NOTCH1: variants seen among roughly 807,000 people sequenced by gnomAD.
The protein encoded by NOTCH1 is notch receptor 1.
A neutral mutation model predicts 254.8 loss-of-function variants in NOTCH1; 37 were observed. The ratio of observed to expected loss-of-function variants is 0.15; its 90% confidence interval spans 0.11 to 0.19. NOTCH1 has a LOEUF of 0.19. NOTCH1 is among the 10% of genes least tolerant of loss of function. The pLI is 1.00. For synonymous variants in NOTCH1, 1,731 were observed against 1,618.1 expected, an observed-to-expected ratio of 1.07 and a Z score of -1.68; for missense variants, 2,972 against 3,708.6, an observed-to-expected ratio of 0.80 and a Z score of 5.16.
At position 136,514,611 on chromosome 9, in the gene NOTCH1, G is replaced by A. The variant is rs2133360895; in HGVS notation, c.2106C>T (p.Cys702=). The change falls in exon 13 of 34, where the codon TGC becomes TGT. Residue 702 remains cysteine (C), a synonymous_variant. Transcript: ENST00000651671. ...TCEDGINGFT[C]RCPEGYHDPT... is the part of the protein sequence containing the mutation. ...GGTCGTGGTAGCCCTCGGGGCAGCG[G>A]CAGGTGAAGCCATTGATGCCGTCCT... The A allele has an allele frequency of 6.2e-7, 1 of 1,610,152 alleles. No individual in the cohort carries two copies. Among genetic ancestry groups the A allele is most frequent in the East Asian group, 2.2e-5 (1 of 44,794 alleles).
intron 4 of NOTCH1, among the ~76,000 whole-genome samples, chr9:136,522,238 A>C (rs898715143): frequency 6.6e-6 from 1 of 152,090 alleles, no homozygotes. Flanking sequence ...CGGCCTCCCA[A>C]AGTGCTGGGA....
At chr9:136,502,213 T>G (rs1179194626) in intron 28 of NOTCH1, 59 bp downstream of exon 28, 2 of 1,551,928 alleles carry the variant, frequency 1.3e-6, no homozygotes, top group East Asian at 2.3e-5. Context: ...CCGGTGAGGA[T>G]GCTCGGCCAG....
chr9:136,503,362 C>G (rs934545221), intron 26 of NOTCH1, 32 bp from the exon 27 acceptor site: 3 of 1,612,004 alleles, frequency 1.9e-6, no homozygotes, highest in Non-Finnish European at 2.5e-6. Context: ...GGCTGGGACC[C>G]GAGGCTTCCT....
Position 136,506,016 on chromosome 9 carries a change from C to G in NOTCH1, c.4015-135G>C, listed in dbSNP as rs1281655127. 1 of 729,604 alleles carries G rather than the reference C, an allele frequency of 1.4e-6. No homozygotes were observed. The highest frequency in any genetic ancestry group is 1.8e-5 in the African/African-American group (1 of 56,294). The allele number at this position is 729,604 out of a possible 1,614,324, so 45.2% of individuals were successfully genotyped here. A position where few individuals can be genotyped will look rare whatever the true frequency, so the allele number is the denominator to read the frequency against. Reference sequence around the variant, plus strand: ...AGGCGGCCTGCAACCTTGCCCCCAGCAGCAAAACCCTTTACACACATTCTA... The same window carrying G: ...AGGCGGCCTGCAACCTTGCCCCCAGGAGCAAAACCCTTTACACACATTCTA... On this transcript the variant is annotated intron_variant, in intron 24 of 33. Coordinates refer to ENST00000651671, the MANE Select transcript of NOTCH1 (RefSeq NM_017617.5). This position sits in a 1 kb window ranked among gnomAD's most constrained non-coding sequence, Gnocchi z 4.5.
intron 9 of NOTCH1, among the ~76,000 whole-genome samples, chr9:136,517,052 G>A (rs181042962): frequency 1.3e-5 from 2 of 151,340 alleles, no homozygotes; most frequent in Non-Finnish European, 3.0e-5. Context: ...AGGAGGCCGG[G>A]GTGCAGACGG....
Position 136,500,807 on chromosome 9 carries a change from G to A in NOTCH1, c.5679C>T (p.Gly1893=), listed in dbSNP as rs2229973. 2.3e-3 allele frequency: 3,625 copies of A among 1,599,146 alleles called. 48 individuals are homozygous for A. The African/African-American group carries it at 0.037, about 16-fold the overall frequency. ...TPLMIASCSG[G]GLETGNSEEE... Reference sequence around the variant, plus strand: ...CCTCGCTGTTGCCCGTCTCCAGGCCGCCCCCGCTGCAGGAGGCGATCATGA... The same window carrying A: ...CCTCGCTGTTGCCCGTCTCCAGGCCACCCCCGCTGCAGGAGGCGATCATGA... Residue 1893 remains glycine (G), a synonymous_variant, in exon 31 of 34, where the codon GGC becomes GGT. Transcript: ENST00000651671.
chr9:136,522,783 C>T (rs191289200), intron 4 of NOTCH1, 67 bp downstream of exon 4: 42 of 1,403,036 alleles, frequency 3.0e-5, no homozygotes, highest in South Asian at 3.0e-4. Flanking sequence ...CCAGGCGCCC[C>T]GTTCCCACCC....
At position 136,527,410 on chromosome 9, in the gene NOTCH1, G is replaced by A. The variant is rs988889253; in HGVS notation, c.141-3431C>T. Among the ~76,000 whole-genome samples, 9 of 152,262 alleles carry A rather than the reference G, an allele frequency of 5.9e-5. No individual in the cohort carries two copies. The East Asian group carries it at 1.6e-3, about 26-fold the overall frequency. Reference sequence around the variant, plus strand: ...CGGCGGCCAGGTGGGTGTGGGCCGCGAGGTGGGCGCCAGGGCTTGGCCGAG... The same window carrying A: ...CGGCGGCCAGGTGGGTGTGGGCCGCAAGGTGGGCGCCAGGGCTTGGCCGAG... On this transcript the variant is annotated intron_variant, in intron 2 of 33. Transcript: ENST00000651671.
intron 2 of NOTCH1, among the ~76,000 whole-genome samples, chr9:136,529,399 G>A (rs900709929): frequency 8.5e-5 from 13 of 152,198 alleles, no homozygotes; most frequent in Non-Finnish European, 1.8e-4. Flanking sequence ...GCTAGACCAA[G>A]TTTCCCCAAT....
At chr9:136,542,573 C>T (rs948829099) in intron 2 of NOTCH1, among the ~76,000 whole-genome samples, 2 of 140,204 alleles carry the variant, frequency 1.4e-5, no homozygotes, top group African/African-American at 2.7e-5. Flanking sequence ...AAAAGTAGTG[C>T]GCATTCATTA....
Position 136,510,792 on chromosome 9 carries a change from C to G in NOTCH1, c.2601G>C (p.Glu867Asp). The change falls in exon 17 of 34, where the codon GAG becomes GAC. Residue 867 changes from glutamate to aspartate, a missense_variant. Physicochemically the swap from Glu to Asp is conservative, Grantham distance 45. This residue lies in a region of NOTCH1 where 1,343 missense variants were observed against 1,557.0 expected (regional missense o/e 0.86). Transcript: ENST00000651671. ...CPTGWQGQTC[E>D]VDINECVLSP... ...TCAGAACGCACTCGTTGATGTCGAC[C>G]TCACAGGTCTGCCCTGCGGGGCAGG... 6.2e-7 allele frequency: 1 copy of G among 1,609,656 alleles called. No individual in the cohort carries two copies. Among genetic ancestry groups the G allele is most frequent in the Non-Finnish European group, 8.5e-7 (1 of 1,179,856 alleles).
chr9:136,518,457 C>T (rs921666541), intron 6 of NOTCH1, 134 bp downstream of exon 6: 2 of 1,117,156 alleles, frequency 1.8e-6, no homozygotes, highest in African/African-American at 1.5e-5. Context: ...ACAGCGACCA[C>T]CGGCCTCCCT....
rs1416890156 is a variant in NOTCH1 at position 136,506,386 on chromosome 9, A to G, written c.4014+141T>C. The G allele has an allele frequency of 1.6e-6, 1 of 615,122 alleles. No individual in the cohort carries two copies. The highest frequency in any genetic ancestry group is 3.2e-5 in the Admixed American group (1 of 31,580). 38.1% of individuals were successfully genotyped at this position (615,122 alleles called of 1,614,324 possible). On this transcript the variant is annotated intron_variant, in intron 24 of 33. Coordinates refer to ENST00000651671, the MANE Select transcript of NOTCH1 (RefSeq NM_017617.5). This position sits in a 1 kb window ranked among gnomAD's most constrained non-coding sequence, Gnocchi z 4.5. ...CTCTAAAATCATTTATTGAAACTAA[A>G]AAAAAAAAAAAGACATCAGGGTGAG...
At chr9:136,518,556 GC>G (rs1377515876) in intron 6 of NOTCH1, 34 bp downstream of exon 6, 2 of 1,577,134 alleles carry the variant, frequency 1.3e-6, no homozygotes, top group Admixed American at 3.5e-5. Flanking sequence ...GCCCATGTGA[GC>G]CCCCTGCGCC....
chr9:136,545,419 C>T lies in NOTCH1; in HGVS notation c.61+307G>A, dbSNP rs1843800603. 2.0e-5 allele frequency among the ~76,000 whole-genome samples: 3 copies of T among 152,126 alleles called. No homozygotes were observed. Among genetic ancestry groups the T allele is most frequent in the Admixed American group, 2.0e-4 (3 of 15,286 alleles). On this transcript the variant is annotated intron_variant, in intron 1 of 33. Transcript: ENST00000651671. This position sits in a 1 kb window ranked among gnomAD's most constrained non-coding sequence, Gnocchi z 6.8. ...GCCCGCCCGGCCGACCGGCGGCAAGCCCCACGCGCGGCGGGTGAAGGGCGG... is the reference window on the plus strand; with the variant it reads ...GCCCGCCCGGCCGACCGGCGGCAAGTCCCACGCGCGGCGGGTGAAGGGCGG...
chr9:136,505,338 C>A lies in NOTCH1; in HGVS notation c.4558G>T (p.Asp1520Tyr), dbSNP rs2133338579. 6.3e-7 allele frequency: 1 copy of A among 1,594,960 alleles called. No individual in the cohort carries two copies. The highest frequency in any genetic ancestry group is 1.1e-5 in the South Asian group (1 of 89,006). The change falls in exon 25 of 34, where the codon GAC becomes TAC. Residue 1520 changes from aspartate (D) to tyrosine (Y), a missense_variant. Coordinates refer to ENST00000651671, the MANE Select transcript of NOTCH1 (RefSeq NM_017617.5). ...NSAGCLFDGF[D>Y]CQRAEGQCNP... is the part of the protein sequence containing the mutation. ...CACTGGCCTTCCGCACGCTGGCAGT[C>A]AAAGCCGTCGAAGAGGCAGCCGGCT...
At chr9:136,512,064 G>A (rs528926717) in intron 15 of NOTCH1, among the ~76,000 whole-genome samples, 6 of 152,362 alleles carry the variant, frequency 3.9e-5, no homozygotes, top group African/African-American at 1.2e-4. Context: ...CAGGAACTGC[G>A]CCAGAGTTTC....
At chr9:136,528,914 T>C (rs993798274) in intron 2 of NOTCH1, among the ~76,000 whole-genome samples, 3 of 152,092 alleles carry the variant, frequency 2.0e-5, no homozygotes, top group Non-Finnish European at 4.4e-5. Flanking sequence ...AGCCAATCGC[T>C]AGGCGGCCAG....
At position 136,502,493 on chromosome 9, in the gene NOTCH1, G is replaced by C. The variant is rs757370134; in HGVS notation, c.5168-5C>G. On this transcript the variant is annotated splice_region_variant and splice_polypyrimidine_tract_variant and intron_variant, in intron 27 of 33. Coordinates refer to ENST00000651671, the MANE Select transcript of NOTCH1 (RefSeq NM_017617.5). The stretch of plus-strand genomic sequence containing the variant: ...GGGGCGGCTCCACGGTCTCACCTGC[G>C]GGCACGGGGGCCAGGGGCAGGTGCC... The C allele has an allele frequency of 1.2e-5, 18 of 1,527,968 alleles. No homozygotes were observed. Among genetic ancestry groups the C allele is most frequent in the Non-Finnish European group, 1.5e-5 (17 of 1,139,508 alleles). The allele number at this position is 1,527,968 out of a possible 1,614,324, so 94.7% of individuals were successfully genotyped here.
Sources: gnomAD v4.1 joint callset for allele counts (sites outside exome capture counted in the v4.1 genomes callset) on GRCh38, gnomAD v4.1.1 for gene constraint, gnomAD v4.1.1 regional missense constraint, Gnocchi (gnomAD v3.1) non-coding constraint, MANE v1.5 for transcripts, NCBI Gene and HGNC (gene_info 2026-07-23, HGNC 2026-07-21) for gene names.